Variants in CIC observed in about 807,000 individuals in gnomAD.
The protein encoded by CIC is protein capicua homolog.
In CIC, 18 loss-of-function variants were observed where a neutral mutation model predicts 115.7. The observed-to-expected ratio is 0.16, with a 90% confidence interval of 0.11 to 0.23. The LOEUF (loss-of-function observed/expected upper bound fraction) is 0.23, where lower values mean the gene tolerates loss of function less well. CIC is among the 10% of genes least tolerant of loss of function. The pLI is 1.00. For missense variants in CIC, 2,000 were observed against 2,159.3 expected, an observed-to-expected ratio of 0.93 and a Z score of 1.46; for synonymous variants, 1,076 against 923.0, an observed-to-expected ratio of 1.17 and a Z score of -3.01.
Position 42,289,880 on chromosome 19 carries a change from C to G in CIC, c.4120C>G (p.Leu1374Val). Residue 1374 changes from leucine to valine, a missense_variant, in exon 10 of 21, where the codon CTC (leucine) becomes GTC (valine). Physicochemically the swap from Leu to Val is conservative, Grantham distance 32 (BLOSUM62 1). Around this residue, in one of 8 missense-constraint regions of CIC, gnomAD observed 1,466 missense variants for 1,390.4 expected, o/e 1.05. Transcript: ENST00000681038. ...TGGCTTCGGCACCACTGACATTGAT[C>G]TCAAGTGCAAGGAGCGGGTGACCGA... ...DDGFGTTDID[L>V]KCKERVTDSE... 1 of 1,609,340 alleles carries G rather than the reference C, an allele frequency of 6.2e-7. No individual in the cohort carries two copies.
At chr19:42,275,031 C>T (rs1212892490) in intron 2 of CIC, among the ~76,000 whole-genome samples, 1 of 152,208 alleles carries the variant, frequency 6.6e-6, no homozygotes, top group African/African-American at 2.4e-5. Flanking sequence ...AATATTAGCT[C>T]ATTTTATCTT....
At position 42,271,322 on chromosome 19, in the gene CIC, C is replaced by T. The variant is rs542744373; in HGVS notation, c.-10-452C>T. Among the ~76,000 whole-genome samples the T allele has an allele frequency of 2.0e-5, 3 of 152,288 alleles. No individual in the cohort carries two copies. The East Asian group carries it at 5.8e-4, about 29-fold the overall frequency. On this transcript the variant is annotated intron_variant, in intron 1 of 20. Coordinates refer to ENST00000681038, the MANE Select transcript of CIC (RefSeq NM_001386298.1). ...TGTTTCCCACCTGGATGATCTTGGA[C>T]AAGTTGTCTCATCTTTTTGTGGCTC...
rs371299990 is a variant in CIC at position 42,294,967 on chromosome 19, C to G, written c.7330C>G (p.Leu2444Val). The change falls in exon 21 of 21, where the codon CTC (leucine) becomes GTC (valine). Residue 2444 changes from leucine to valine, a missense_variant. Physicochemically the swap from Leu to Val is conservative, Grantham distance 32. Coordinates refer to ENST00000681038, the MANE Select transcript of CIC (RefSeq NM_001386298.1). ...TEQPPGAEAP[L>V]PVPPPTGTAA... Reference sequence around the variant, plus strand: ...GCAGCCCCCTGGAGCTGAGGCTCCTCTCCCTGTACCGCCCCCCACTGGCAC... The same window carrying G: ...GCAGCCCCCTGGAGCTGAGGCTCCTGTCCCTGTACCGCCCCCCACTGGCAC... The G allele has an allele frequency of 1.3e-6, 2 of 1,599,924 alleles. No individual in the cohort carries two copies. The highest frequency in any genetic ancestry group is 2.7e-5 in the African/African-American group (2 of 74,914).
In CIC at chr19:42,294,666, C is replaced by T. The variant is rs748546252; in HGVS notation, c.7117C>T (p.Arg2373Trp). 2 of 1,613,744 alleles carry T rather than the reference C, an allele frequency of 1.2e-6. No individual in the cohort carries two copies. The highest frequency in any genetic ancestry group is 1.7e-6 in the Non-Finnish European group (2 of 1,179,988). ...EYDKVPYSSL[R>W]RTLDQRRALV... ...TGACAAGGTGCCATACTCCTCCCTG[C>T]GGCGCACCCTGGACCAGCGCCGGGC... Residue 2373 changes from arginine (R) to tryptophan (W), a missense_variant, in exon 20 of 21, where the codon CGG becomes TGG. Around this residue, in one of 8 missense-constraint regions of CIC, gnomAD observed 99 missense variants for 217.6 expected, o/e 0.45. Transcript: ENST00000681038.
At position 42,291,759 on chromosome 19, in the gene CIC, TTTC is replaced by T. The variant is rs1568520127; in HGVS notation, c.5613+16_5613+18del. The T allele has an allele frequency of 1.9e-6, 3 of 1,612,844 alleles. No homozygotes were observed. The highest frequency in any genetic ancestry group is 2.5e-6 in the Non-Finnish European group (3 of 1,179,886). On this transcript the variant is annotated intron_variant, in intron 12 of 20. Coordinates refer to ENST00000681038, the MANE Select transcript of CIC (RefSeq NM_001386298.1). Reference sequence around the variant, plus strand: ...CCCCCCAGCAAGGTGAGGGCCTGCCTTTCTCTCTACCTGCTGGATGTTGGCCCC... The same window carrying T: ...CCCCCCAGCAAGGTGAGGGCCTGCCTTCTCTACCTGCTGGATGTTGGCCCC...
rs1282942358 is a variant in CIC at position 42,292,731 on chromosome 19, C to G, written c.6068C>G (p.Ala2023Gly). The change falls in exon 15 of 21, where the codon GCC (alanine) becomes GGC (glycine). Residue 2023 changes from alanine to glycine, a missense_variant. Around this residue, in one of 8 missense-constraint regions of CIC, gnomAD observed 1,466 missense variants for 1,390.4 expected, o/e 1.05. Transcript: ENST00000681038. ...SSAPLAQPSQ[A>G]PPSLVYTVAT... ...GCACCCCTGGCCCAGCCATCCCAGG[C>G]CCCCCCAAGCCTGGTCTACACTGTG... 2.5e-6 allele frequency: 4 copies of G among 1,613,680 alleles called. No individual in the cohort carries two copies. The highest frequency in any genetic ancestry group is 1.7e-5 in the Admixed American group (1 of 60,024).
intron 2 of CIC, among the ~76,000 whole-genome samples, chr19:42,285,082 C>T (rs775290521): frequency 4.6e-5 from 7 of 152,082 alleles, no homozygotes; most frequent in Non-Finnish European, 8.8e-5. Context: ...AGCACGAGAC[C>T]TGCTGGTCCT....
At chr19:42,269,872 A>G (rs1427473941) in intron 1 of CIC, among the ~76,000 whole-genome samples, 1 of 152,042 alleles carries the variant, frequency 6.6e-6, no homozygotes, top group Non-Finnish European at 1.5e-5. Flanking sequence ...TAATGGGAAC[A>G]GAGGGTATGA....
At chr19:42,290,142 C>T in intron 10 of CIC, 91 bp from the exon 11 acceptor site, 2 of 1,584,348 alleles carry the variant, frequency 1.3e-6, no homozygotes, top group Non-Finnish European at 1.7e-6. Flanking sequence ...CTAGGCTGGC[C>T]TGGCTGACAG....
rs754341403 is a variant in CIC at position 42,288,851 on chromosome 19, C to T, written c.3659-37C>T. On this transcript the variant is annotated intron_variant, in intron 7 of 20. Coordinates refer to ENST00000681038, the MANE Select transcript of CIC (RefSeq NM_001386298.1). ...GGCCAGTCTAGGTGCTGGTGACAGG[C>T]TTACTGACTGTCATAGCGCCACTCT... 3 of 1,591,792 alleles carry T rather than the reference C, an allele frequency of 1.9e-6. No individual in the cohort carries two copies. In the South Asian group the frequency reaches 3.3e-5, roughly 18 times the overall value.
At chr19:42,278,947 G>C (rs1278830713) in intron 2 of CIC, among the ~76,000 whole-genome samples, 1 of 152,214 alleles carries the variant, frequency 6.6e-6, no homozygotes, top group Non-Finnish European at 1.5e-5. Flanking sequence ...TAGGAGATCC[G>C]GCTGTAGGGG....
Position 42,287,521 on chromosome 19 carries a change from C to T in CIC, c.3310-24C>T, listed in dbSNP as rs368685259. 1.2e-5 allele frequency: 20 copies of T among 1,612,610 alleles called. No individual in the cohort carries two copies. The highest frequency in any genetic ancestry group is 6.6e-5 in the South Asian group (6 of 91,090). ...CCTGTCTGCCAGGTCCTAACTGTCC[C>T]GCTCTGGGCTGTGTTTAATGCAGCG... On this transcript the variant is annotated intron_variant, in intron 5 of 20. Coordinates refer to ENST00000681038, the MANE Select transcript of CIC (RefSeq NM_001386298.1). This position sits in a 1 kb window ranked among gnomAD's most constrained non-coding sequence, Gnocchi z 8.7.
At position 42,289,217 on chromosome 19, in the gene CIC, C is replaced by G; in HGVS notation, c.3898C>G (p.Pro1300Ala). The change falls in exon 9 of 21, where the codon CCT becomes GCT. Residue 1300 changes from proline (P) to alanine (A), a missense_variant. Physicochemically the swap from Pro to Ala is conservative, Grantham distance 27. Around this residue, in one of 8 missense-constraint regions of CIC, gnomAD observed 1,466 missense variants for 1,390.4 expected, o/e 1.05. Coordinates refer to ENST00000681038, the MANE Select transcript of CIC (RefSeq NM_001386298.1). ...SGPASYSGPK[P>A]STQYGAPGPF... ...CCCTGCATCGTACTCTGGCCCAAAGCCTTCTACCCAGTATGGAGCTCCAGG... is the reference window on the plus strand; with the variant it reads ...CCCTGCATCGTACTCTGGCCCAAAGGCTTCTACCCAGTATGGAGCTCCAGG... 1 of 1,613,388 alleles carries G rather than the reference C, an allele frequency of 6.2e-7. No homozygotes were observed. Among genetic ancestry groups the G allele is most frequent in the East Asian group, 2.2e-5 (1 of 44,882 alleles).
Position 42,272,390 on chromosome 19 carries a change from C to T in CIC, c.607C>T (p.Arg203Trp), listed in dbSNP as rs2036822205. 2 of 398,540 alleles carry T rather than the reference C, an allele frequency of 5.0e-6. No homozygotes were observed. The highest frequency in any genetic ancestry group is 2.1e-5 in the African/African-American group (1 of 48,746). The allele number at this position is 398,540 out of a possible 1,614,324, so 24.7% of individuals were successfully genotyped here. Residue 203 changes from arginine to tryptophan, a missense_variant, in exon 2 of 21, where the codon CGG becomes TGG. Transcript: ENST00000681038. ...TGGCAGCTATGACCTGCGGCAGCTGCGGTCCCAGCGGGTGCTGGCTCGGCG... is the reference window on the plus strand; with the variant it reads ...TGGCAGCTATGACCTGCGGCAGCTGTGGTCCCAGCGGGTGCTGGCTCGGCG... ...TSGSYDLRQL[R>W]SQRVLARRGD... is the part of the protein sequence containing the mutation.
chr19:42,293,521 T>C (rs2038303008), intron 16 of CIC, 71 bp from the exon 17 acceptor site: 16 of 1,610,030 alleles, frequency 9.9e-6, no homozygotes, highest in Non-Finnish European at 1.2e-5. Flanking sequence ...CAGATCCAAC[T>C]CTTTGTTTCT....
chr19:42,289,717 C>A (rs992145102), intron 9 of CIC, 131 bp from the exon 10 acceptor site: 113 of 848,904 alleles, frequency 1.3e-4, no homozygotes, highest in Admixed American at 1.4e-4. Context: ...CAGCCCTGGG[C>A]TGAGGAGTAG....
In CIC at chr19:42,274,159, C is replaced by T. The variant is rs2036882881; in HGVS notation, c.2376C>T (p.Thr792=). The T allele has an allele frequency of 2.5e-6, 1 of 399,138 alleles. No individual in the cohort carries two copies. Among genetic ancestry groups the T allele is most frequent in the Non-Finnish European group, 4.4e-6 (1 of 226,476 alleles). The allele number at this position is 399,138 out of a possible 1,614,324, so 24.7% of individuals were successfully genotyped here. A position where few individuals can be genotyped will look rare whatever the true frequency, so the allele number is the denominator to read the frequency against. The change falls in exon 2 of 21, where the codon ACC becomes ACT. Residue 792 remains threonine, a synonymous_variant. Transcript: ENST00000681038. ...LLLLPPPAGL[T]SDPGPSVRRV... is the part of the protein sequence containing the mutation. Reference sequence around the variant, plus strand: ...TGTTGCCACCCCCTGCCGGCCTGACCTCGGATCCAGGGCCCTCTGTGCGCA... The same window carrying T: ...TGTTGCCACCCCCTGCCGGCCTGACTTCGGATCCAGGGCCCTCTGTGCGCA...
In CIC at chr19:42,287,133, G is replaced by A; in HGVS notation, c.3072G>A (p.Gly1024=). 1.2e-6 allele frequency: 2 copies of A among 1,613,552 alleles called. No homozygotes were observed. The highest frequency in any genetic ancestry group is 4.5e-5 in the East Asian group (2 of 44,880). ...SPGPGPPHPL[G]VVESGKGPPP... ...GACCCGGACCCCCACACCCTTTGGG[G>A]GTGGTGGAATCTGGTAAGGGTCCGC... The change falls in exon 4 of 21, where the codon GGG becomes GGA. Residue 1024 remains glycine, a synonymous_variant. Transcript: ENST00000681038. The surrounding 1 kb of genome is among the most constrained non-coding windows in gnomAD (Gnocchi z 8.7).
chr19:42,289,831 TCCCTC>T lies in CIC; in HGVS notation c.4088-15_4088-11del. 6.4e-7 allele frequency: 1 copy of T among 1,571,462 alleles called. No individual in the cohort carries two copies. The highest frequency in any genetic ancestry group is 8.6e-7 in the Non-Finnish European group (1 of 1,156,190). ...GCATCTAGCCCCCTCCCCATACTGT[TCCCTC>T]CACTCCCTCAGCTGACGATGGCTTC... is the stretch of plus-strand genomic sequence containing the variant. On this transcript the variant is annotated splice_polypyrimidine_tract_variant and intron_variant, in intron 9 of 20. Coordinates refer to ENST00000681038, the MANE Select transcript of CIC (RefSeq NM_001386298.1).
Sources: gnomAD v4.1 joint callset for allele counts (sites outside exome capture counted in the v4.1 genomes callset) on GRCh38, gnomAD v4.1.1 for gene constraint, gnomAD v4.1.1 regional missense constraint, Gnocchi (gnomAD v3.1) non-coding constraint, MANE v1.5 for transcripts, NCBI Gene and HGNC (gene_info 2026-07-23, HGNC 2026-07-21) for gene names.